PLXDC2: variants seen among roughly 807,000 people sequenced by gnomAD.
PLXDC2 encodes the protein plexin domain-containing protein 2.
A neutral mutation model predicts 68.9 loss-of-function variants in PLXDC2; 40 were observed. The ratio of observed to expected loss-of-function variants is 0.58; its 90% CI spans 0.45 to 0.76. The LOEUF is 0.76. Among genes scored for constraint, PLXDC2 ranks in the 30% least tolerant of loss-of-function variants. The pLI is 0.00. For synonymous variants in PLXDC2, 243 were observed against 234.2 expected, an observed-to-expected ratio of 1.04 and a Z score of -0.34; for missense variants, 644 against 661.9, an observed-to-expected ratio of 0.97 and a Z score of 0.30.
intron 4 of PLXDC2, among the ~76,000 whole-genome samples, chr10:20,120,449 A>G (rs1833681510): frequency 6.6e-6 from 1 of 152,220 alleles, no homozygotes. Context: ...CTGAATACTA[A>G]GAGCCTGAAA....
At chr10:20,229,574 T>C (rs1025008353) in intron 12 of PLXDC2, among the ~76,000 whole-genome samples, 2 of 148,866 alleles carry the variant, frequency 1.3e-5, no homozygotes, top group African/African-American at 2.5e-5. Flanking sequence ...AGAAAAGATA[T>C]GCTAGTCTCA....
intron 1 of PLXDC2, among the ~76,000 whole-genome samples, chr10:19,908,345 T>C (rs931285713): frequency 3.3e-5 from 5 of 152,112 alleles, no homozygotes; most frequent in African/African-American, 1.2e-4. Flanking sequence ...CTACATTGAG[T>C]GAGTTGGGAT....
rs1187655557 is a variant in PLXDC2 at position 20,283,943 on chromosome 10, C to T, written c.*4124C>T. 1 of 152,112 alleles carries T rather than the reference C, an allele frequency of 6.6e-6. No individual in the cohort carries two copies. The highest frequency in any genetic ancestry group is 1.5e-5 in the Non-Finnish European group (1 of 68,024). 9.4% of individuals were successfully genotyped at this position (152,112 alleles called of 1,614,324 possible). A position where few individuals can be genotyped will look rare whatever the true frequency, so the allele number is the denominator to read the frequency against. The stretch of plus-strand genomic sequence containing the variant: ...CAGATACATATTCTAAGGTTAGTAT[C>T]ATTTATCAGTTTTTCGCAACAGATT... On this transcript the variant is annotated 3_prime_UTR_variant, in exon 14 of 14. Transcript: ENST00000377252.
At chr10:20,034,789 T>A (rs1564290239) in intron 2 of PLXDC2, among the ~76,000 whole-genome samples, 1 of 152,238 alleles carries the variant, frequency 6.6e-6, no homozygotes, top group Non-Finnish European at 1.5e-5. Context: ...GATACACAAA[T>A]GCTTACCATT....
chr10:19,861,222 A>G (rs573835416), intron 1 of PLXDC2, among the ~76,000 whole-genome samples: 1 of 151,742 alleles, frequency 6.6e-6, no homozygotes, highest in East Asian at 2.0e-4. Flanking sequence ...TTTTGTAGAG[A>G]TGGGGTTTCA....
In PLXDC2 at chr10:20,289,287, A is replaced by G. The variant is rs1836199543; in HGVS notation, c.*9468A>G. The G allele has an allele frequency of 6.6e-6, 1 of 152,156 alleles. No individual in the cohort carries two copies. The highest frequency in any genetic ancestry group is 1.5e-5 in the Non-Finnish European group (1 of 68,036). 9.4% of individuals were successfully genotyped at this position (152,156 alleles called of 1,614,324 possible). A position where few individuals can be genotyped will look rare whatever the true frequency, so the allele number is the denominator to read the frequency against. ...GCACAGTGTGTGGGCAATGGGATGG[A>G]GACTTTTTCCCCTATTCCCAGCCAC... On this transcript the variant is annotated 3_prime_UTR_variant, in exon 14 of 14. Coordinates refer to ENST00000377252, the MANE Select transcript of PLXDC2 (RefSeq NM_032812.9).
intron 2 of PLXDC2, among the ~76,000 whole-genome samples, chr10:20,042,878 G>T (rs568923952): frequency 7.2e-5 from 11 of 152,244 alleles, no homozygotes; most frequent in Non-Finnish European, 1.6e-4. Flanking sequence ...GGATTTATAC[G>T]ATTTAATACC....
intron 13 of PLXDC2, among the ~76,000 whole-genome samples, chr10:20,255,040 TG>T: frequency 6.6e-6 from 1 of 152,312 alleles, no homozygotes; most frequent in Non-Finnish European, 1.5e-5. Flanking sequence ...TTCCCTTCAT[TG>T]GGGAGAATTA....
At chr10:20,160,947 C>T (rs1031038094) in intron 6 of PLXDC2, among the ~76,000 whole-genome samples, 4 of 152,098 alleles carry the variant, frequency 2.6e-5, no homozygotes, top group Non-Finnish European at 4.4e-5. Context: ...TATGATCATG[C>T]CACTGCACTC....
intron 1 of PLXDC2, among the ~76,000 whole-genome samples, chr10:19,829,864 A>G (rs1395654914): frequency 1.3e-5 from 2 of 152,358 alleles, no homozygotes; most frequent in East Asian, 3.9e-4. Flanking sequence ...CAAATTGTCC[A>G]GTCATATACT....
Position 20,284,326 on chromosome 10 carries a change from TATATACAC to T in PLXDC2, c.*4509_*4516del, listed in dbSNP as rs1396000925. On this transcript the variant is annotated 3_prime_UTR_variant, in exon 14 of 14. Coordinates refer to ENST00000377252, the MANE Select transcript of PLXDC2 (RefSeq NM_032812.9). ...TATCAAATATACATATATATATATA[TATATACAC>T]ACACACACACACACACACAAATATA... 1 of 123,066 alleles carries T rather than the reference TATATACAC, an allele frequency of 8.1e-6. No homozygotes were observed. Among genetic ancestry groups the T allele is most frequent in the Non-Finnish European group, 1.6e-5 (1 of 60,946 alleles). The allele number at this position is 123,066 out of a possible 1,614,324, so 7.6% of individuals were successfully genotyped here. A position where few individuals can be genotyped will look rare whatever the true frequency, so the allele number is the denominator to read the frequency against.
At chr10:20,002,166 C>T (rs1433373944) in intron 2 of PLXDC2, among the ~76,000 whole-genome samples, 180 bp downstream of exon 2, 3 of 151,902 alleles carry the variant, frequency 2.0e-5, no homozygotes, top group African/African-American at 7.3e-5. Context: ...TCCATTAATT[C>T]ATTTACAGAC....
chr10:20,112,511 T>A (rs1347902900), intron 4 of PLXDC2, among the ~76,000 whole-genome samples: 3 of 152,212 alleles, frequency 2.0e-5, no homozygotes, highest in Non-Finnish European at 2.9e-5. Flanking sequence ...CATCCCCTGC[T>A]TCAGTGAGAC....
chr10:20,099,990 A>G (rs960869844), intron 4 of PLXDC2, among the ~76,000 whole-genome samples: 15 of 152,220 alleles, frequency 9.9e-5, no homozygotes, highest in African/African-American at 2.4e-5. Context: ...TATGTTACCT[A>G]TTCAAAAATT....
intron 1 of PLXDC2, among the ~76,000 whole-genome samples, chr10:19,986,656 C>T (rs1834647001): frequency 2.6e-5 from 4 of 152,058 alleles, no homozygotes; most frequent in Admixed American, 2.0e-4. Flanking sequence ...CACTCCAGAG[C>T]AGTGTTTTGG....
chr10:19,877,870 C>T (rs1837661531), intron 1 of PLXDC2, among the ~76,000 whole-genome samples: 1 of 152,194 alleles, frequency 6.6e-6, no homozygotes, highest in South Asian at 2.1e-4. Context: ...ATTTGGTCCT[C>T]AACATGGGTT....
rs1387604686 is a variant in PLXDC2, at chr10:20,116,247, C to A, written c.542-27048C>A. 5.9e-5 allele frequency among the ~76,000 whole-genome samples: 9 copies of A among 152,120 alleles called. No individual in the cohort carries two copies. The East Asian group carries it at 1.5e-3, about 26-fold the overall frequency. On this transcript the variant is annotated intron_variant, in intron 4 of 13. Coordinates refer to ENST00000377252, the MANE Select transcript of PLXDC2 (RefSeq NM_032812.9). ...TGTAAAGGTGCTATGGGAAAAATAA[C>A]CCTAAGATTCTTTTTCCCCCCCGGA...
intron 10 of PLXDC2, among the ~76,000 whole-genome samples, chr10:20,216,675 G>A (rs1013686343): frequency 3.9e-5 from 6 of 152,132 alleles, no homozygotes; most frequent in Admixed American, 1.3e-4. Flanking sequence ...AGTCCACTGC[G>A]GCACAAAAGG....
chr10:19,937,200 G>A (rs1317377040), intron 1 of PLXDC2, among the ~76,000 whole-genome samples: 1 of 152,110 alleles, frequency 6.6e-6, no homozygotes, highest in Non-Finnish European at 1.5e-5. Context: ...TAATCTGCAT[G>A]TGGGACAAAT....
Sources: gnomAD v4.1 joint callset for allele counts (sites outside exome capture counted in the v4.1 genomes callset) on GRCh38, gnomAD v4.1.1 for gene constraint, MANE v1.5 for transcripts, NCBI Gene and HGNC (gene_info 2026-07-23, HGNC 2026-07-21) for gene names.